Variants in BCR observed in about 807,000 individuals in gnomAD.
BCR encodes BCR activator of RhoGEF and GTPase, also known as breakpoint cluster region protein.
BCR carries 58 observed loss-of-function variants against 138.6 expected under a neutral mutation model. The ratio of observed to expected loss-of-function variants is 0.42; its 90% CI spans 0.34 to 0.52. The LOEUF (loss-of-function observed/expected upper bound fraction) is 0.52. BCR is among the 20% of genes least tolerant of loss of function. The probability of loss-of-function intolerance (pLI) is 0.06; values close to 1 mark genes in which losing one functional copy is unlikely to be tolerated. For missense variants in BCR, 1,599 were observed against 1,727.2 expected (o/e 0.93, Z 1.32); for synonymous variants, 786 against 730.1 (o/e 1.08, Z -1.23).
At chr22:23,304,847 G>C (rs1165013745) in intron 16 of BCR, among the ~76,000 whole-genome samples, 1 of 152,214 alleles carries the variant, frequency 6.6e-6, no homozygotes, top group African/African-American at 2.4e-5. Context: ...AGGCGCGGTG[G>C]CTTACGCCTG....
At chr22:23,188,764 G>GT (rs34270902) in intron 1 of BCR, among the ~76,000 whole-genome samples, 30,394 of 150,164 alleles carry the variant, frequency 0.2, 3,512 homozygotes, top group Middle Eastern at 0.31. Flanking sequence ...GCTCAAGTAG[G>GT]TTTTTTTTTT....
chr22:23,251,228 G>A (rs1423340854), intron 1 of BCR: 1 of 152,222 alleles, frequency 6.6e-6, no homozygotes, highest in Non-Finnish European at 1.5e-5. Flanking sequence ...AATCACCTGG[G>A]ACAGTGCTGC....
chr22:23,258,294 G>A (rs1319947863), intron 2 of BCR, among the ~76,000 whole-genome samples: 2 of 152,228 alleles, frequency 1.3e-5, no homozygotes, highest in African/African-American at 4.8e-5. Context: ...CAGTGGGCAA[G>A]TGAGGATGTG....
intron 1 of BCR, among the ~76,000 whole-genome samples, chr22:23,220,681 A>G (rs2072814702): frequency 6.6e-6 from 1 of 152,130 alleles, no homozygotes; most frequent in Non-Finnish European, 1.5e-5. Flanking sequence ...CTGGGATATG[A>G]TGAAAATCAG....
At chr22:23,234,068 C>T (rs558053137) in intron 1 of BCR, among the ~76,000 whole-genome samples, 3 of 152,112 alleles carry the variant, frequency 2.0e-5, no homozygotes, top group South Asian at 2.1e-4. Flanking sequence ...TCATTAATGG[C>T]GTGTGCATGA....
Position 23,235,016 on chromosome 22 carries a change from T to C in BCR, c.1280-18783T>C, listed in dbSNP as rs531822843. On this transcript the variant is annotated intron_variant, in intron 1 of 22. Transcript: ENST00000305877. ...CACACTCTTGATTTCTCAGCCACAG[T>C]GAGGGTGAAAACCAGGGTCAGCTCG... 4.5e-4 allele frequency among the ~76,000 whole-genome samples: 65 copies of C among 144,296 alleles called. 13 individuals carry two copies. The highest frequency in any genetic ancestry group is 5.4e-4 in the Non-Finnish European group (34 of 63,396). 94.7% of individuals were successfully genotyped at this position (144,296 alleles called of 152,430 possible).
At chr22:23,293,262 T>A (rs990022802) in intron 15 of BCR, among the ~76,000 whole-genome samples, 7 of 152,126 alleles carry the variant, frequency 4.6e-5, no homozygotes, top group Non-Finnish European at 7.4e-5. Flanking sequence ...GAAGGTCTCA[T>A]TCTTGATGCT....
chr22:23,257,749 G>T (rs1193236588), intron 2 of BCR, among the ~76,000 whole-genome samples: 1 of 152,200 alleles, frequency 6.6e-6, no homozygotes, highest in Non-Finnish European at 1.5e-5. Context: ...CAGACTTGCT[G>T]AACTTGGGTA....
intron 1 of BCR, among the ~76,000 whole-genome samples, chr22:23,241,236 C>G (rs2073087168): frequency 6.6e-6 from 1 of 152,186 alleles, no homozygotes; most frequent in Non-Finnish European, 1.5e-5. Flanking sequence ...GTTTGCCTGC[C>G]CTCCCAGGCT....
intron 1 of BCR, among the ~76,000 whole-genome samples, 174 bp from the exon 2 acceptor site, chr22:23,253,625 C>A (rs1188386432): frequency 2.0e-5 from 3 of 152,212 alleles, no homozygotes; most frequent in Non-Finnish European, 4.4e-5. Context: ...TTCATCCCCC[C>A]TCACCTTGTG....
intron 9 of BCR, among the ~76,000 whole-genome samples, chr22:23,284,469 G>A (rs2073687620): frequency 6.6e-6 from 1 of 152,018 alleles, no homozygotes; most frequent in Non-Finnish European, 1.5e-5. Context: ...CTCGGCATAG[G>A]CGTGCACACA....
chr22:23,215,921 C>G (rs1210964145), intron 1 of BCR, among the ~76,000 whole-genome samples: 2 of 152,184 alleles, frequency 1.3e-5, no homozygotes, highest in Admixed American at 6.5e-5. Context: ...TTTCCCCTTT[C>G]CTGTAAACAT....
At chr22:23,242,153 C>G (rs2073100524) in intron 1 of BCR, among the ~76,000 whole-genome samples, 1 of 152,218 alleles carries the variant, frequency 6.6e-6, no homozygotes, top group South Asian at 2.1e-4. Flanking sequence ...GTGGCCGAAG[C>G]AAGATGCTTT....
chr22:23,296,334 G>A (rs985027358), intron 16 of BCR, among the ~76,000 whole-genome samples: 3 of 143,610 alleles, frequency 2.1e-5, no homozygotes, highest in Admixed American at 7.4e-5. Flanking sequence ...AGATCACACC[G>A]CTGATCTCTA....
At chr22:23,246,799 CT>C (rs1249645645) in intron 1 of BCR, among the ~76,000 whole-genome samples, 1 of 152,044 alleles carries the variant, frequency 6.6e-6, no homozygotes, top group Non-Finnish European at 1.5e-5. Flanking sequence ...AGATTTGGGT[CT>C]TTTTTGCTGT....
intron 1 of BCR, among the ~76,000 whole-genome samples, chr22:23,185,069 C>T (rs1319926557): frequency 6.6e-6 from 1 of 152,172 alleles, no homozygotes; most frequent in African/African-American, 2.4e-5. Context: ...GAAGCCATCC[C>T]TGGGCACGGT....
chr22:23,244,817 C>T (rs1481177634), intron 1 of BCR, among the ~76,000 whole-genome samples: 1 of 152,222 alleles, frequency 6.6e-6, no homozygotes, highest in Non-Finnish European at 1.5e-5. Context: ...CGGAGGGCTG[C>T]TGCCTCTTCC....
In BCR at chr22:23,181,091, G is replaced by T. The variant is rs1356513072; in HGVS notation, c.131G>T (p.Arg44Leu). 2.6e-6 allele frequency: 4 copies of T among 1,514,144 alleles called. No homozygotes were observed. The highest frequency in any genetic ancestry group is 2.6e-5 in the East Asian group (1 of 38,678). The allele number at this position is 1,514,144 out of a possible 1,614,324, so 93.8% of individuals were successfully genotyped here. The change falls in exon 1 of 23, where the codon CGC (arginine) becomes CTC (leucine). Residue 44 changes from arginine (R) to leucine (L), a missense_variant. Around this residue, in one of 4 missense-constraint regions of BCR, gnomAD observed 806 missense variants for 635.0 expected, o/e 1.27. Coordinates refer to ENST00000305877, the MANE Select transcript of BCR (RefSeq NM_004327.4). ...GAGCGCTGCAAGGCCTCCATTCGGC[G>T]CCTGGAGCAGGAGGTGAACCAGGAG... ...ELERCKASIR[R>L]LEQEVNQERF...
At chr22:23,219,963 C>G (rs895322601) in intron 1 of BCR, among the ~76,000 whole-genome samples, 5 of 152,218 alleles carry the variant, frequency 3.3e-5, no homozygotes, top group Admixed American at 3.3e-4. Context: ...TCTGCAGTTC[C>G]TGGAGCATTG....
Sources: allele counts gnomAD v4.1 joint callset (sites outside exome capture counted in the v4.1 genomes callset), GRCh38; gene constraint gnomAD v4.1.1; regional missense constraint gnomAD v4.1.1; transcripts MANE v1.5; gene names NCBI Gene and HGNC (gene_info 2026-07-23, HGNC 2026-07-21).